Variants in CEP112 observed in about 807,000 individuals in gnomAD.
The protein encoded by CEP112 is centrosomal protein of 112 kDa.
A neutral mutation model predicts 153.0 loss-of-function variants in CEP112; 127 were observed. The ratio of observed to expected loss-of-function variants is 0.83; its 90% CI spans 0.72 to 0.96. The LOEUF is 0.96. Ranked by LOEUF, CEP112 falls within the 40% of genes least tolerant of loss-of-function variation. The pLI is 0.00. For synonymous variants in CEP112, 358 were observed against 374.4 expected, an observed-to-expected ratio of 0.96 and a Z score of 0.51; for missense variants, 1,089 against 1,101.2, an observed-to-expected ratio of 0.99 and a Z score of 0.16.
At chr17:65,903,770 C>T (rs910994884) in intron 19 of CEP112, among the ~76,000 whole-genome samples, 7 of 152,312 alleles carry the variant, frequency 4.6e-5, no homozygotes, top group Admixed American at 3.9e-4. Flanking sequence ...CCACCATGAT[C>T]AAGTCGGCTT....
At chr17:65,710,714 T>A (rs2049134667) in intron 23 of CEP112, among the ~76,000 whole-genome samples, 1 of 152,190 alleles carries the variant, frequency 6.6e-6, no homozygotes, top group African/African-American at 2.4e-5. Flanking sequence ...AGCATTGGTG[T>A]TAAGGCTCGT....
At chr17:65,807,882 CCATA>C (rs2055705997) in intron 21 of CEP112, among the ~76,000 whole-genome samples, 2 of 152,220 alleles carry the variant, frequency 1.3e-5, no homozygotes, top group South Asian at 2.1e-4. Context: ...GTTGGAGCCC[CCATA>C]CAGAGTCCCC....
chr17:66,189,790 G>A (rs1379886150), intron 1 of CEP112, among the ~76,000 whole-genome samples: 2 of 152,108 alleles, frequency 1.3e-5, no homozygotes, highest in African/African-American at 4.8e-5. Flanking sequence ...AAACACTTCG[G>A]GAGGCCAAGG....
chr17:65,959,539 A>T (rs2062122884), intron 18 of CEP112, among the ~76,000 whole-genome samples: 2 of 152,212 alleles, frequency 1.3e-5, no homozygotes, highest in Non-Finnish European at 2.9e-5. Flanking sequence ...AGAAGGAGAG[A>T]AGAGCTACAG....
intron 21 of CEP112, among the ~76,000 whole-genome samples, chr17:65,811,175 G>A (rs1309969855): frequency 3.3e-5 from 5 of 152,168 alleles, no homozygotes; most frequent in Non-Finnish European, 7.3e-5. Context: ...CTGTAGTAGA[G>A]TACATGAGTG....
chr17:66,041,640 A>T, intron 12 of CEP112, among the ~76,000 whole-genome samples: 1 of 152,114 alleles, frequency 6.6e-6, no homozygotes, highest in East Asian at 1.9e-4. Context: ...TCTCCATATA[A>T]TCCGTATTGA....
At position 65,902,280 on chromosome 17, in the gene CEP112, G is replaced by A. The variant is rs750850539; in HGVS notation, c.2035C>T (p.His679Tyr). ...ACTAGGCTATCCTTCTCTGCGTTAT[G>A]CTGCTGTAATAGGTGCGTCTTCTCC... is the stretch of plus-strand genomic sequence containing the variant. ...EQEKTHLLQQ[H>Y]NAEKDSLVRD... The change falls in exon 20 of 27, where the codon CAT becomes TAT. Residue 679 changes from histidine (H) to tyrosine (Y), a missense_variant. Transcript: ENST00000535342. 2 of 1,613,904 alleles carry A rather than the reference G, an allele frequency of 1.2e-6. No individual in the cohort carries two copies. Among genetic ancestry groups the A allele is most frequent in the Non-Finnish European group, 1.7e-6 (2 of 1,179,968 alleles).
rs2144147154 is a variant in CEP112 at position 65,676,682 on chromosome 17, C to T, written c.2697+12447G>A. On this transcript the variant is annotated intron_variant, in intron 24 of 26. Coordinates refer to ENST00000535342, the MANE Select transcript of CEP112 (RefSeq NM_001199165.4). ...TTGGTGAATTGAAGTTTCAAAGTGT[C>T]TAAAGAGTTTACAGTAAGAGTTCAC... is the stretch of plus-strand genomic sequence containing the variant. Among the ~76,000 whole-genome samples, 3 of 152,322 alleles carry T rather than the reference C, an allele frequency of 2.0e-5. No homozygotes were observed. In the South Asian group the frequency reaches 6.2e-4, roughly 32 times the overall value.
At chr17:66,173,502 G>C (rs1249790877) in intron 4 of CEP112, among the ~76,000 whole-genome samples, 1 of 152,150 alleles carries the variant, frequency 6.6e-6, no homozygotes, top group East Asian at 1.9e-4. Flanking sequence ...TAAGCTCTAA[G>C]ATACAGGAAA....
intron 10 of CEP112, among the ~76,000 whole-genome samples, chr17:66,066,471 T>C (rs1177372368): frequency 1.3e-5 from 2 of 152,058 alleles, no homozygotes; most frequent in Non-Finnish European, 2.9e-5. Context: ...TGTATCCCAA[T>C]GAGGCTAGAG....
At chr17:66,164,688 T>C (rs1412586312) in intron 4 of CEP112, among the ~76,000 whole-genome samples, 5 of 151,636 alleles carry the variant, frequency 3.3e-5, no homozygotes, top group African/African-American at 1.2e-4. Flanking sequence ...AAGCCCCGTC[T>C]CTACTAAAAA....
intron 21 of CEP112, among the ~76,000 whole-genome samples, chr17:65,850,560 T>A (rs2057893847): frequency 6.6e-6 from 1 of 152,224 alleles, no homozygotes; most frequent in Admixed American, 6.5e-5. Flanking sequence ...GCGTTTTAAC[T>A]GTTCTCTCTA....
intron 17 of CEP112, among the ~76,000 whole-genome samples, chr17:66,003,455 T>C (rs2064142849): frequency 6.6e-6 from 1 of 152,242 alleles, no homozygotes; most frequent in African/African-American, 2.4e-5. Flanking sequence ...ATTGCTGTTA[T>C]GGTCAACAAG....
intron 18 of CEP112, among the ~76,000 whole-genome samples, chr17:65,931,708 G>T (rs1405801630): frequency 6.6e-6 from 1 of 152,198 alleles, no homozygotes; most frequent in Admixed American, 6.5e-5. Flanking sequence ...AGCCAGATTT[G>T]CCACCCAGCC....
intron 24 of CEP112, among the ~76,000 whole-genome samples, chr17:65,659,315 C>A (rs1313517750): frequency 1.3e-5 from 2 of 152,160 alleles, no homozygotes; most frequent in South Asian, 2.1e-4. Flanking sequence ...TCAAAAGAGG[C>A]AAGCTACGAC....
At chr17:66,096,476 C>G (rs2068348994) in intron 7 of CEP112, 109 bp downstream of exon 7, 1 of 1,153,002 alleles carries the variant, frequency 8.7e-7, no homozygotes, top group South Asian at 1.4e-5. Flanking sequence ...AATTCAAAAA[C>G]TATTATGTTT....
At chr17:65,981,781 T>G (rs2319107) in intron 17 of CEP112, among the ~76,000 whole-genome samples, 79,119 of 151,990 alleles carry the variant, frequency 0.52, 21,595 homozygotes, top group African/African-American at 0.6. Context: ...CGCCATATTG[T>G]CCAGGCTGGT....
chr17:66,053,628 T>C (rs2066542836), intron 12 of CEP112, 108 bp downstream of exon 12: 2 of 1,145,070 alleles, frequency 1.7e-6, no homozygotes, highest in African/African-American at 1.6e-5. Context: ...GTTTTTCTTT[T>C]GATTCTGTAA....
intron 24 of CEP112, chr17:65,644,409 G>T: frequency 1.9e-6 from 1 of 530,034 alleles, no homozygotes; most frequent in South Asian, 1.7e-5. Flanking sequence ...AGATGAACTC[G>T]GACCTCAAGG....
Sources: gnomAD v4.1 joint callset for allele counts (sites outside exome capture counted in the v4.1 genomes callset) on GRCh38, gnomAD v4.1.1 for gene constraint, MANE v1.5 for transcripts, NCBI Gene and HGNC (gene_info 2026-07-23, HGNC 2026-07-21) for gene names.